The following TTLL5 variants were observed in gnomAD, a reference collection of about 807,000 sequenced individuals.
TTLL5 encodes tubulin tyrosine ligase like 5, also known as tubulin polyglutamylase TTLL5.
TTLL5 carries 132 observed loss-of-function variants against 168.4 expected under a neutral mutation model. The ratio of observed to expected loss-of-function variants is 0.78; its 90% confidence interval spans 0.68 to 0.91. The LOEUF (loss-of-function observed/expected upper bound fraction) is 0.91. TTLL5 is among the 40% of genes least tolerant of loss of function. The pLI is 0.00. For missense variants in TTLL5, 1,545 were observed against 1,581.5 expected, an observed-to-expected ratio of 0.98 and a Z score of 0.39; for synonymous variants, 546 against 558.6, an observed-to-expected ratio of 0.98 and a Z score of 0.32.
intron 30 of TTLL5, among the ~76,000 whole-genome samples, chr14:75,898,390 C>T (rs1418486980): frequency 6.6e-6 from 1 of 152,122 alleles, no homozygotes; most frequent in Non-Finnish European, 1.5e-5. Flanking sequence ...ATCTATAGTC[C>T]CCGCACTTTG....
In TTLL5 at chr14:75,775,616, A is replaced by C. The variant is rs1161394593; in HGVS notation, c.2269A>C (p.Ile757Leu). ...ILAHQLGDFI[I>L]VYNKETEQMA... ...GGCCCACCAGCTGGGTGACTTTATC[A>C]TTGTATACAACAAGGTAAGTCTTTT... The change falls in exon 22 of 32, where the codon ATT becomes CTT. Residue 757 changes from isoleucine (I) to leucine (L), a missense_variant. By Grantham distance (5) the Ile-to-Leu change is conservative (BLOSUM62 2). Transcript: ENST00000298832. The C allele has an allele frequency of 6.2e-7, 1 of 1,614,082 alleles. No individual in the cohort carries two copies. Among genetic ancestry groups the C allele is most frequent in the East Asian group, 2.2e-5 (1 of 44,876 alleles).
intron 31 of TTLL5, among the ~76,000 whole-genome samples, chr14:75,928,355 A>ATATATATATATATATATATATG (rs2034151641): frequency 7.9e-6 from 1 of 127,178 alleles, no homozygotes; most frequent in Non-Finnish European, 1.6e-5. Flanking sequence ...ATATATATAT[A>ATATATATATATATATATATATG]TATATATATA....
At chr14:75,802,751 A>G (rs1893394718) in intron 27 of TTLL5, among the ~76,000 whole-genome samples, 2 of 152,250 alleles carry the variant, frequency 1.3e-5, no homozygotes, top group Non-Finnish European at 2.9e-5. Flanking sequence ...GGTAATAGTA[A>G]CATGGAATAT....
rs150156102 is a variant in TTLL5, at chr14:75,943,347, A to G, written c.3824-11077A>G. 1.1e-4 allele frequency among the ~76,000 whole-genome samples: 16 copies of G among 152,298 alleles called. No individual in the cohort carries two copies. The East Asian group carries it at 3.1e-3, about 29-fold the overall frequency. ...CCCCAGAGTGCCAGCTATAGTCTCC[A>G]TATGTAAGTCAACTAGAAATAAGCC... On this transcript the variant is annotated intron_variant, in intron 31 of 31. Transcript: ENST00000298832.
At chr14:75,907,174 T>G (rs1446499245) in intron 31 of TTLL5, among the ~76,000 whole-genome samples, 1 of 152,212 alleles carries the variant, frequency 6.6e-6, no homozygotes, top group Non-Finnish European at 1.5e-5. Flanking sequence ...GTGAGGTTGA[T>G]GAATTGTGTT....
chr14:75,951,595 A>G (rs560131722), intron 31 of TTLL5, among the ~76,000 whole-genome samples: 81 of 152,112 alleles, frequency 5.3e-4, no homozygotes, highest in Non-Finnish European at 1.0e-3. Context: ...CTCTGTCTCT[A>G]CAAAAAAATT....
At chr14:75,807,267 G>C (rs929271337) in intron 27 of TTLL5, among the ~76,000 whole-genome samples, 2 of 152,090 alleles carry the variant, frequency 1.3e-5, no homozygotes, top group Non-Finnish European at 2.9e-5. Flanking sequence ...GGGGAACATG[G>C]CAAAACCCCA....
At chr14:75,791,868 G>A (rs1368527098) in intron 26 of TTLL5, among the ~76,000 whole-genome samples, 3 of 151,878 alleles carry the variant, frequency 2.0e-5, no homozygotes, top group Non-Finnish European at 2.9e-5. Flanking sequence ...GATTTTTTTT[G>A]AAGAGATGTG....
chr14:75,811,156 A>AGAGAGTGTGTGTGT lies in TTLL5; in HGVS notation c.3172-8850_3172-8849insAGAGTGTGTGTGTG, dbSNP rs60194482. Among the ~76,000 whole-genome samples the AGAGAGTGTGTGTGT allele has an allele frequency of 6.3e-3, 735 of 116,614 alleles. 15 individuals carry two copies. The highest frequency in any genetic ancestry group is 0.023 in the African/African-American group (669 of 29,646). The allele number at this position is 116,614 out of a possible 152,430, so 76.5% of individuals were successfully genotyped here. On this transcript the variant is annotated intron_variant, in intron 27 of 31. Coordinates refer to ENST00000298832, the MANE Select transcript of TTLL5 (RefSeq NM_015072.5). ...GGGAAAGAGAGGGAATGAAAGAAAG[A>AGAGAGTGTGTGTGT]GTGTGTGTGTGTGTGTGTGTGTGTG... is the stretch of plus-strand genomic sequence containing the variant.
rs1365033006 is a variant in TTLL5, at chr14:75,945,417, C to T, written c.3824-9007C>T. Among the ~76,000 whole-genome samples, 8 of 151,414 alleles carry T rather than the reference C, an allele frequency of 5.3e-5. No individual in the cohort carries two copies. The South Asian group carries it at 8.3e-4, about 16-fold the overall frequency. On this transcript the variant is annotated intron_variant, in intron 31 of 31. Transcript: ENST00000298832. ...GACTACAGGTGCGTGCCACCATGCT[C>T]GGCTGATTTTTATATTTTTAGTAGA...
intron 9 of TTLL5, among the ~76,000 whole-genome samples, chr14:75,715,444 A>C (rs892351377): frequency 2.0e-5 from 3 of 152,096 alleles, no homozygotes; most frequent in Non-Finnish European, 4.4e-5. Flanking sequence ...ATTCAAGACT[A>C]ATGTGACCTG....
intron 3 of TTLL5, among the ~76,000 whole-genome samples, chr14:75,671,257 C>G (rs1883720810): frequency 1.3e-5 from 2 of 152,154 alleles, no homozygotes; most frequent in South Asian, 4.1e-4. Context: ...TTTCATTGAA[C>G]TATACATTTA....
At chr14:75,738,878 C>T (rs528264565) in intron 15 of TTLL5, among the ~76,000 whole-genome samples, 3 of 152,296 alleles carry the variant, frequency 2.0e-5, no homozygotes, top group Admixed American at 2.0e-4. Flanking sequence ...GATCACAGCT[C>T]ACTACAGCCT....
At chr14:75,759,382 A>G (rs578057051) in intron 18 of TTLL5, among the ~76,000 whole-genome samples, 1 of 152,136 alleles carries the variant, frequency 6.6e-6, no homozygotes, top group African/African-American at 2.4e-5. Context: ...GAAAATTGAA[A>G]TTGTCCTGAA....
chr14:75,944,944 C>T (rs117507045), intron 31 of TTLL5, among the ~76,000 whole-genome samples: 212 of 152,064 alleles, frequency 1.4e-3, no homozygotes, highest in Non-Finnish European at 1.4e-3. Flanking sequence ...AGTGAGCATG[C>T]GTACAACTCC....
chr14:75,795,204 C>G (rs1409016578), intron 27 of TTLL5, among the ~76,000 whole-genome samples: 2 of 152,186 alleles, frequency 1.3e-5, no homozygotes, highest in African/African-American at 4.8e-5. Context: ...TCAGGGTCTT[C>G]ACTGATTGAT....
Position 75,790,296 on chromosome 14 carries a change from G to A in TTLL5, c.2987-2620G>A, listed in dbSNP as rs537401328. Among the ~76,000 whole-genome samples the A allele has an allele frequency of 2.2e-4, 34 of 152,060 alleles. No homozygotes were observed. The South Asian group carries it at 5.2e-3, about 23-fold the overall frequency. On this transcript the variant is annotated intron_variant, in intron 26 of 31. Transcript: ENST00000298832. ...AAAAGTAAAAACAAAAACACAAATC[G>A]TGTAAGTCAATAAGAAAAAGATAGC...
At chr14:75,765,096 T>C (rs568527456) in intron 19 of TTLL5, among the ~76,000 whole-genome samples, 1 of 152,362 alleles carries the variant, frequency 6.6e-6, no homozygotes, top group Non-Finnish European at 1.5e-5. Context: ...AGGTTTTTTA[T>C]AATTAGGTAA....
chr14:75,904,382 A>C (rs1183523609), intron 31 of TTLL5: 1 of 453,542 alleles, frequency 2.2e-6, no homozygotes, highest in African/African-American at 2.1e-5. Flanking sequence ...TGGCTCTTCA[A>C]GTTTGCTTCT....
Sources: gnomAD v4.1 joint callset for allele counts (sites outside exome capture counted in the v4.1 genomes callset) on GRCh38, gnomAD v4.1.1 for gene constraint, MANE v1.5 for transcripts, NCBI Gene and HGNC (gene_info 2026-07-23, HGNC 2026-07-21) for gene names.